The following TMEM147 variants were observed in gnomAD, a reference collection of about 807,000 sequenced individuals.
TMEM147 encodes the protein BOS complex subunit TMEM147.
In TMEM147, 29 loss-of-function variants were observed where a neutral mutation model predicts 29.4. The ratio of observed to expected loss-of-function variants is 0.99; its 90% CI spans 0.73 to 1.34. The LOEUF (loss-of-function observed/expected upper bound fraction) is 1.34. Among genes scored for constraint, TMEM147 ranks in the 40% most tolerant of loss-of-function variants. The pLI, the probability that TMEM147 is intolerant of heterozygous loss-of-function variation, is 0.00. For synonymous variants in TMEM147, 121 were observed against 111.8 expected (o/e 1.08, Z -0.52); for missense variants, 260 against 289.4 (o/e 0.90, Z 0.74).
rs905287975 is a variant in TMEM147 at position 35,546,058 on chromosome 19, A to G, written c.147+101A>G. The G allele has an allele frequency of 2.2e-6, 3 of 1,356,346 alleles. No individual in the cohort carries two copies. The African/African-American group carries it at 4.3e-5, about 20-fold the overall frequency. The allele number at this position is 1,356,346 out of a possible 1,614,324, so 84.0% of individuals were successfully genotyped here. On this transcript the variant is annotated intron_variant, in intron 2 of 6. Transcript: ENST00000222284. ...CGCGCCCCCGCCGCCCCACGGTGGG[A>G]CCGCCCTCGGGACTCCGCACTGGGA...
Position 35,547,038 on chromosome 19 carries a change from T to A in TMEM147, c.429+9T>A, listed in dbSNP as rs376806084. 9.9e-6 allele frequency: 16 copies of A among 1,614,098 alleles called. No homozygotes were observed. The highest frequency in any genetic ancestry group is 1.3e-5 in the Non-Finnish European group (15 of 1,180,040). On this transcript the variant is annotated intron_variant, in intron 5 of 6. Transcript: ENST00000222284. ...ACTCCAACATCAGTCTGGTAGGCAGTCGTGCTCTCCCACATACACATTTCT... is the reference window on the plus strand; with the variant it reads ...ACTCCAACATCAGTCTGGTAGGCAGACGTGCTCTCCCACATACACATTTCT...
chr19:35,546,958 T>G lies in TMEM147; in HGVS notation c.358T>G (p.Trp120Gly), dbSNP rs777694664. The change falls in exon 5 of 7, where the codon TGG (tryptophan) becomes GGG (glycine). Residue 120 changes from tryptophan to glycine, a missense_variant. Coordinates refer to ENST00000222284, the MANE Select transcript of TMEM147 (RefSeq NM_032635.4). ...TGCCTTCCTCAGCTGCATTCCCCTA[T>G]GGGTCGGAGCCCGGGGCATTGAGTT... ...ELIMSRCIPL[W>G]VGARGIEFDW... 7 of 1,614,178 alleles carry G rather than the reference T, an allele frequency of 4.3e-6. No individual in the cohort carries two copies. The South Asian group carries it at 7.7e-5, about 18-fold the overall frequency.
chr19:35,546,688 G>T lies in TMEM147; in HGVS notation c.224G>T (p.Ser75Ile), dbSNP rs948604843. Residue 75 changes from serine to isoleucine, a missense_variant, in exon 4 of 7, where the codon AGC becomes ATC. By Grantham distance (142) the Ser-to-Ile change is moderately radical. Transcript: ENST00000222284. ...GACCCGCAGGAGTTCATGAAGGCCA[G>T]CGTGGATGTGGCAGACCTGATAGGT... ...YDFIGEFMKA[S>I]VDVADLIGLN... 6 of 1,613,684 alleles carry T rather than the reference G, an allele frequency of 3.7e-6. No individual in the cohort carries two copies. Among genetic ancestry groups the T allele is most frequent in the Non-Finnish European group, 4.2e-6 (5 of 1,179,664 alleles).
At chr19:35,546,329 G>A in intron 2 of TMEM147, 197 bp from the exon 3 acceptor site, 1 of 649,730 alleles carries the variant, frequency 1.5e-6, no homozygotes, top group Non-Finnish European at 2.6e-6. Flanking sequence ...CAAACTTCCA[G>A]CCCCCTCGGG....
rs778473201 is a variant in TMEM147, at chr19:35,547,484, C to G, written c.*37C>G. 3.1e-6 allele frequency: 5 copies of G among 1,605,646 alleles called. No individual in the cohort carries two copies. The highest frequency in any genetic ancestry group is 4.3e-6 in the Non-Finnish European group (5 of 1,174,874). On this transcript the variant is annotated 3_prime_UTR_variant, in exon 7 of 7. Transcript: ENST00000222284. ...CAGACATTGATGTACCTTTTCCCTG[C>G]CTCACTCCAGGTTTTAGTGAAGTAA...
In TMEM147 at chr19:35,546,519, T is replaced by C. The variant is rs758088615; in HGVS notation, c.148-7T>C. The C allele has an allele frequency of 5.0e-6, 8 of 1,611,046 alleles. No individual in the cohort carries two copies. In the South Asian group the frequency reaches 6.6e-5, roughly 13 times the overall value. On this transcript the variant is annotated splice_polypyrimidine_tract_variant and splice_region_variant and intron_variant, in intron 2 of 6. Transcript: ENST00000222284. The stretch of plus-strand genomic sequence containing the variant: ...TGAAGTGACCTCTTTCTGCTTTCTG[T>C]TCTCAGATGCTGTTCTTGGCCACTT...
intron 6 of TMEM147, 40 bp downstream of exon 6, chr19:35,547,280 T>C: frequency 6.2e-7 from 1 of 1,613,878 alleles, no homozygotes; most frequent in Non-Finnish European, 8.5e-7. Context: ...CAAAGTGGGG[T>C]GGGTTATCTA....
intron 2 of TMEM147, 120 bp from the exon 3 acceptor site, chr19:35,546,406 C>T (rs2071557436): frequency 8.4e-7 from 1 of 1,193,330 alleles, no homozygotes; most frequent in South Asian, 1.6e-5. Flanking sequence ...GGTTCCTCTT[C>T]CAGATGGGCC....
chr19:35,545,877 C>T lies in TMEM147; in HGVS notation c.78-11C>T. 1 of 1,613,922 alleles carries T rather than the reference C, an allele frequency of 6.2e-7. No homozygotes were observed. Among genetic ancestry groups the T allele is most frequent in the East Asian group, 2.2e-5 (1 of 44,872 alleles). On this transcript the variant is annotated splice_polypyrimidine_tract_variant and intron_variant, in intron 1 of 6. Coordinates refer to ENST00000222284, the MANE Select transcript of TMEM147 (RefSeq NM_032635.4). ...GGGGCCCGGGCCGACCCTCACCTCC[C>T]GCTTCTCCAGGTCCGAGTACAACGC...
chr19:35,545,660 A>G lies in TMEM147; in HGVS notation c.-80A>G. The G allele has an allele frequency of 6.0e-6, 9 of 1,510,828 alleles. No homozygotes were observed. The highest frequency in any genetic ancestry group is 8.0e-6 in the Non-Finnish European group (9 of 1,120,104). 93.6% of individuals were successfully genotyped at this position (1,510,828 alleles called of 1,614,324 possible). A position where few individuals can be genotyped will look rare whatever the true frequency, so the allele number is the denominator to read the frequency against. Reference sequence around the variant, plus strand: ...GGTGCCAGGCCCTGGCCGTGGCGAAAGAGCCGGCGGAGCCGGAGACCCGCT... The same window carrying G: ...GGTGCCAGGCCCTGGCCGTGGCGAAGGAGCCGGCGGAGCCGGAGACCCGCT... On this transcript the variant is annotated 5_prime_UTR_variant, in exon 1 of 7. Transcript: ENST00000222284.
rs564703304 is a variant in TMEM147 at position 35,545,680 on chromosome 19, C to T, written c.-60C>T. ...GCGAAAGAGCCGGCGGAGCCGGAGA[C>T]CCGCTCCCGGAGACGCCGCCTCGCG... On this transcript the variant is annotated 5_prime_UTR_variant, in exon 1 of 7. Transcript: ENST00000222284. 3.2e-4 allele frequency: 500 copies of T among 1,579,898 alleles called. 1 individual carries two copies. Among genetic ancestry groups the T allele is most frequent in the Non-Finnish European group, 3.9e-4 (458 of 1,165,282 alleles).
intron 2 of TMEM147, 60 bp from the exon 3 acceptor site, chr19:35,546,466 C>T: frequency 6.4e-7 from 1 of 1,553,588 alleles, no homozygotes; most frequent in South Asian, 1.2e-5. Context: ...CCACAAATCC[C>T]ACGTGGTTTA....
intron 4 of TMEM147, 54 bp downstream of exon 4, chr19:35,546,862 C>T (rs977086815): frequency 3.7e-6 from 6 of 1,613,996 alleles, no homozygotes; most frequent in Non-Finnish European, 5.1e-6. Context: ...CTGGGTTCCA[C>T]GGGGGTGCTG....
rs1568310620 is a variant in TMEM147, at chr19:35,545,884, C to A, written c.78-4C>A. 1 of 1,614,002 alleles carries A rather than the reference C, an allele frequency of 6.2e-7. No individual in the cohort carries two copies. Among genetic ancestry groups the A allele is most frequent in the Non-Finnish European group, 8.5e-7 (1 of 1,179,932 alleles). On this transcript the variant is annotated splice_region_variant and splice_polypyrimidine_tract_variant and intron_variant, in intron 1 of 6. Coordinates refer to ENST00000222284, the MANE Select transcript of TMEM147 (RefSeq NM_032635.4). ...GGGCCGACCCTCACCTCCCGCTTCTCCAGGTCCGAGTACAACGCCTTCTGG... is the reference window on the plus strand; with the variant it reads ...GGGCCGACCCTCACCTCCCGCTTCTACAGGTCCGAGTACAACGCCTTCTGG...
chr19:35,546,557 G>T lies in TMEM147; in HGVS notation c.179G>T (p.Trp60Leu). The part of the protein sequence containing the change: ...MLFLATFFPT[W>L]EGGIYDFIGE... ...TTCTTGGCCACTTTCTTTCCCACCT[G>T]GGAAGGCGGCATCTATGACTTCATT... Residue 60 changes from tryptophan (W) to leucine (L), a missense_variant, in exon 3 of 7, where the codon TGG becomes TTG. Physicochemically the swap from Trp to Leu is moderately conservative, Grantham distance 61 (BLOSUM62 -2). Coordinates refer to ENST00000222284, the MANE Select transcript of TMEM147 (RefSeq NM_032635.4). 6.2e-7 allele frequency: 1 copy of T among 1,613,504 alleles called. No homozygotes were observed. The highest frequency in any genetic ancestry group is 2.2e-5 in the East Asian group (1 of 44,884).
In TMEM147 at chr19:35,547,047, C is replaced by T. The variant is rs1297290001; in HGVS notation, c.429+18C>T. ...TCAGTCTGGTAGGCAGTCGTGCTCT[C>T]CCACATACACATTTCTGCTGGCGGC... On this transcript the variant is annotated intron_variant, in intron 5 of 6. Transcript: ENST00000222284. 36 of 1,614,094 alleles carry T rather than the reference C, an allele frequency of 2.2e-5. No individual in the cohort carries two copies. Among genetic ancestry groups the T allele is most frequent in the Non-Finnish European group, 3.1e-5 (36 of 1,180,056 alleles).
chr19:35,547,425 C>T lies in TMEM147; in HGVS notation c.653C>T (p.Ala218Val), dbSNP rs747574094. ...LALSTLALYVAVVNVHS is the reference protein window; with the variant it reads ...LALSTLALYVVVVNVHS ...CTCAGCACTTTGGCCCTGTATGTCG[C>T]CGTTGTCAATGTGCACTCCTAGGCT... The change falls in exon 7 of 7, where the codon GCC becomes GTC. Residue 218 changes from alanine (A) to valine (V), a missense_variant. Transcript: ENST00000222284. 6.2e-7 allele frequency: 1 copy of T among 1,613,638 alleles called. No individual in the cohort carries two copies. Among genetic ancestry groups the T allele is most frequent in the Non-Finnish European group, 8.5e-7 (1 of 1,180,016 alleles).
At position 35,545,652 on chromosome 19, in the gene TMEM147, G is replaced by A; in HGVS notation, c.-88G>A. ...GTCAGGTGGGTGCCAGGCCCTGGCC[G>A]TGGCGAAAGAGCCGGCGGAGCCGGA... On this transcript the variant is annotated 5_prime_UTR_variant, in exon 1 of 7. It adds an upstream start codon to the 5' untranslated region. Coordinates refer to ENST00000222284, the MANE Select transcript of TMEM147 (RefSeq NM_032635.4). 2 of 1,450,088 alleles carry A rather than the reference G, an allele frequency of 1.4e-6. No homozygotes were observed. The highest frequency in any genetic ancestry group is 1.3e-5 in the South Asian group (1 of 79,964). The allele number at this position is 1,450,088 out of a possible 1,614,324, so 89.8% of individuals were successfully genotyped here. A position where few individuals can be genotyped will look rare whatever the true frequency, so the allele number is the denominator to read the frequency against.
intron 2 of TMEM147, 67 bp downstream of exon 2, chr19:35,546,024 T>C (rs930246670): frequency 6.5e-7 from 1 of 1,542,274 alleles, no homozygotes; most frequent in East Asian, 2.4e-5. Flanking sequence ...CCCGCCCCCG[T>C]TGCCTATCCG....
Sources: gnomAD v4.1 joint callset for allele counts on GRCh38, gnomAD v4.1.1 for gene constraint, MANE v1.5 for transcripts, NCBI Gene and HGNC (gene_info 2026-07-23, HGNC 2026-07-21) for gene names.